Variants in NRG1 observed in about 807,000 individuals in gnomAD.
NRG1 encodes the protein neuregulin 1.
A neutral mutation model predicts 63.8 loss-of-function variants in NRG1; 18 were observed. The ratio of observed to expected loss-of-function variants is 0.28; its 90% confidence interval spans 0.19 to 0.42. NRG1 has a LOEUF of 0.42. Among genes scored for constraint, NRG1 ranks in the 10% least tolerant of loss-of-function variants. NRG1 has a pLI of 1.00. For synonymous variants in NRG1, 302 were observed against 301.3 expected (o/e 1.00, Z -0.02); for missense variants, 762 against 814.7 (o/e 0.94, Z 0.79).
chr8:32,354,802 A>T (rs1277751386), intron 1 of NRG1, among the ~76,000 whole-genome samples: 81 of 120,668 alleles, frequency 6.7e-4, no homozygotes, highest in Admixed American at 2.8e-3. Context: ...GCTTTTTTTA[A>T]AAAAAAAAAA....
chr8:32,652,548 T>G (rs1180421652), intron 5 of NRG1, among the ~76,000 whole-genome samples: 1 of 152,186 alleles, frequency 6.6e-6, no homozygotes, highest in Non-Finnish European at 1.5e-5. Context: ...AATTATGTCA[T>G]TTTGGCTTTA....
chr8:31,752,127 G>A (rs1816538025), intron 1 of NRG1, among the ~76,000 whole-genome samples: 2 of 152,014 alleles, frequency 1.3e-5, no homozygotes, highest in African/African-American at 4.8e-5. Context: ...AGGAGAATGA[G>A]CCTACAAGGA....
At chr8:32,497,006 C>G (rs1039451771) in intron 1 of NRG1, among the ~76,000 whole-genome samples, 3 of 152,096 alleles carry the variant, frequency 2.0e-5, no homozygotes, top group African/African-American at 7.2e-5. Flanking sequence ...AATCACGCAG[C>G]TAGTAAGATT....
intron 1 of NRG1, among the ~76,000 whole-genome samples, chr8:31,898,526 C>G (rs1831794437): frequency 6.6e-6 from 1 of 152,008 alleles, no homozygotes; most frequent in African/African-American, 2.4e-5. Flanking sequence ...ATCTGCTGCT[C>G]TACCCCATCT....
At chr8:31,718,429 G>A (rs1314270393) in intron 1 of NRG1, among the ~76,000 whole-genome samples, 2 of 152,146 alleles carry the variant, frequency 1.3e-5, no homozygotes, top group Admixed American at 1.3e-4. Flanking sequence ...AAAGGCCTAA[G>A]CTGCTTCATA....
chr8:32,646,713 G>A (rs1853626310), intron 5 of NRG1: 2 of 985,294 alleles, frequency 2.0e-6, no homozygotes, highest in African/African-American at 3.5e-5. Flanking sequence ...AGGAAAACGG[G>A]TGGGGGCCAT....
At chr8:31,684,629 A>G (rs1808672663) in intron 1 of NRG1, among the ~76,000 whole-genome samples, 1 of 152,116 alleles carries the variant, frequency 6.6e-6, no homozygotes, top group Admixed American at 6.6e-5. Context: ...GAGAACCACT[A>G]TTACTTTCAA....
At chr8:32,146,739 A>C (rs1406172584) in intron 1 of NRG1, among the ~76,000 whole-genome samples, 5 of 151,994 alleles carry the variant, frequency 3.3e-5, no homozygotes, top group Non-Finnish European at 4.4e-5. Context: ...TTTTTTTTAA[A>C]AAAAGCAATT....
intron 1 of NRG1, among the ~76,000 whole-genome samples, chr8:32,492,874 TG>T (rs1323326520): frequency 2.0e-5 from 3 of 152,014 alleles, no homozygotes; most frequent in South Asian, 4.2e-4. Context: ...GAGGGGAGGC[TG>T]GGGGGTTAAA....
intron 1 of NRG1, among the ~76,000 whole-genome samples, chr8:32,257,260 C>T (rs1351333741): frequency 6.6e-6 from 1 of 152,136 alleles, no homozygotes; most frequent in African/African-American, 2.4e-5. Context: ...TCACTTGGCT[C>T]CCTGACTCCA....
chr8:31,669,944 G>T (rs1806952319), intron 1 of NRG1, among the ~76,000 whole-genome samples: 1 of 152,116 alleles, frequency 6.6e-6, no homozygotes, highest in South Asian at 2.1e-4. Context: ...AGATGGTGGA[G>T]TATCTCAGGT....
intron 5 of NRG1, chr8:32,647,863 C>T (rs374676143): frequency 2.9e-5 from 47 of 1,613,978 alleles, no homozygotes; most frequent in Non-Finnish European, 4.0e-5. Flanking sequence ...GGGAGAACCC[C>T]TGGACTCGTG....
intron 1 of NRG1, among the ~76,000 whole-genome samples, chr8:32,077,712 G>A (rs1695870923): frequency 6.6e-6 from 1 of 152,166 alleles, no homozygotes; most frequent in South Asian, 2.1e-4. Flanking sequence ...CAGGAACTTT[G>A]ATGAGCCTAA....
chr8:31,646,126 C>A, intron 1 of NRG1, among the ~76,000 whole-genome samples: 2 of 152,320 alleles, frequency 1.3e-5, no homozygotes, highest in Admixed American at 1.3e-4. Flanking sequence ...CTGATGGAGT[C>A]TTTGTCCATC....
chr8:32,640,834 G>C (rs950014808), intron 5 of NRG1, among the ~76,000 whole-genome samples: 2 of 151,948 alleles, frequency 1.3e-5, no homozygotes, highest in East Asian at 1.9e-4. Context: ...GGTGGCTCAC[G>C]ACTGTAATAC....
At chr8:32,149,781 G>T (rs1837297645) in intron 1 of NRG1, among the ~76,000 whole-genome samples, 1 of 152,126 alleles carries the variant, frequency 6.6e-6, no homozygotes, top group Non-Finnish European at 1.5e-5. Context: ...AGTTGCAATA[G>T]CTTATAGAAA....
chr8:32,624,338 C>T (rs1342313025), intron 5 of NRG1, among the ~76,000 whole-genome samples: 1 of 152,056 alleles, frequency 6.6e-6, no homozygotes, highest in Admixed American at 6.5e-5. Flanking sequence ...TTAGTGAGGG[C>T]AGATGGGCTC....
intron 1 of NRG1, among the ~76,000 whole-genome samples, chr8:32,502,434 C>T (rs111750167): frequency 5.7e-5 from 3 of 52,302 alleles, no homozygotes; most frequent in African/African-American, 2.4e-4. Context: ...GGTGGGGACA[C>T]ACATTTAACC....
At chr8:32,119,622 C>T (rs771066724) in intron 1 of NRG1, among the ~76,000 whole-genome samples, 1 of 151,980 alleles carries the variant, frequency 6.6e-6, no homozygotes, top group East Asian at 1.9e-4. Flanking sequence ...TGTTGTATAC[C>T]ACCTCCAGGC....
Sources: allele counts gnomAD v4.1 joint callset (sites outside exome capture counted in the v4.1 genomes callset), GRCh38; gene constraint gnomAD v4.1.1; transcripts MANE v1.5; gene names NCBI Gene and HGNC (gene_info 2026-07-23, HGNC 2026-07-21).